Variants in DTL observed in about 807,000 individuals in gnomAD.
The protein encoded by DTL is denticleless E3 ubiquitin protein ligase adapter.
In DTL, 46 loss-of-function variants were observed where a neutral mutation model predicts 87.0. That is an observed-to-expected ratio of 0.53 (90% CI 0.42 to 0.68). The LOEUF is 0.68. Ranked by LOEUF, DTL falls within the 30% of genes least tolerant of loss-of-function variation. The probability of loss-of-function intolerance (pLI) is 0.00; values close to 1 mark genes in which losing one functional copy is unlikely to be tolerated. For missense variants in DTL, 737 were observed against 869.4 expected, an observed-to-expected ratio of 0.85 and a Z score of 1.91; for synonymous variants, 308 against 311.2, an observed-to-expected ratio of 0.99 and a Z score of 0.11.
chr1:212,082,422 T>A lies in DTL; in HGVS notation c.1261+1672T>A, dbSNP rs549685673. Among the ~76,000 whole-genome samples the A allele has an allele frequency of 5.9e-5, 9 of 152,294 alleles. No individual in the cohort carries two copies. In the South Asian group the frequency reaches 1.9e-3, roughly 32 times the overall value. On this transcript the variant is annotated intron_variant, in intron 13 of 14. Transcript: ENST00000366991. The stretch of plus-strand genomic sequence containing the variant: ...GGGTTGAAGTTTGCTGGGGTTTTTT[T>A]AAATAGGAATATAACATTTCACAGT...
intron 1 of DTL, among the ~76,000 whole-genome samples, chr1:212,037,633 C>G (rs1226830055): frequency 6.6e-6 from 1 of 152,200 alleles, no homozygotes; most frequent in Non-Finnish European, 1.5e-5. Flanking sequence ...AAGAAAGACT[C>G]AAAGTACTTT....
intron 9 of DTL, 28 bp from the exon 10 acceptor site, chr1:212,068,571 C>T (rs375718174): frequency 8.7e-6 from 12 of 1,384,110 alleles, no homozygotes; most frequent in African/African-American, 2.9e-5. Flanking sequence ...ATCATCAGGA[C>T]GTGCTAACTT....
chr1:212,045,193 T>A (rs1225651542), intron 3 of DTL, among the ~76,000 whole-genome samples: 1 of 152,184 alleles, frequency 6.6e-6, no homozygotes, highest in Non-Finnish European at 1.5e-5. Context: ...ACTTTGGGGA[T>A]TAAATTATAA....
chr1:212,069,910 G>A (rs1654621327), intron 10 of DTL, among the ~76,000 whole-genome samples: 1 of 152,126 alleles, frequency 6.6e-6, no homozygotes, highest in African/African-American at 2.4e-5. Context: ...AATCTTATTA[G>A]GACTTTAGTA....
chr1:212,039,865 G>C (rs1667585952), intron 1 of DTL, among the ~76,000 whole-genome samples: 2 of 152,198 alleles, frequency 1.3e-5, no homozygotes, highest in Non-Finnish European at 2.9e-5. Context: ...TACTATGAAT[G>C]GGAGCTTGCA....
At chr1:212,040,456 T>G (rs973161379) in intron 1 of DTL, among the ~76,000 whole-genome samples, 1 of 152,224 alleles carries the variant, frequency 6.6e-6, no homozygotes, top group Non-Finnish European at 1.5e-5. Context: ...AGTAAGAGAT[T>G]AACAATAACT....
rs149991137 is a variant in DTL, at chr1:212,047,138, T to C, written c.278-13T>C. ...AATTTAGACATTTCACATTTACCAT[T>C]TTCTTTGTTTAGAATGGATGGCTCA... On this transcript the variant is annotated splice_polypyrimidine_tract_variant and intron_variant, in intron 3 of 14. Coordinates refer to ENST00000366991, the MANE Select transcript of DTL (RefSeq NM_016448.4). 5.6e-5 allele frequency: 90 copies of C among 1,613,394 alleles called. No individual in the cohort carries two copies. The African/African-American group carries it at 1.1e-3, about 20-fold the overall frequency.
rs563346391 is a variant in DTL, at chr1:212,079,024, C to T, written c.1125+762C>T. Among the ~76,000 whole-genome samples, 3 of 152,138 alleles carry T rather than the reference C, an allele frequency of 2.0e-5. 1 individual carries two copies. The South Asian group carries it at 6.2e-4, about 32-fold the overall frequency. ...TTTGAGGTTTTGTTGCCTATTGTTCCCATCTGTTTTTTATCTTCCAGAAAC... is the reference window on the plus strand; with the variant it reads ...TTTGAGGTTTTGTTGCCTATTGTTCTCATCTGTTTTTTATCTTCCAGAAAC... On this transcript the variant is annotated intron_variant, in intron 12 of 14. Coordinates refer to ENST00000366991, the MANE Select transcript of DTL (RefSeq NM_016448.4).
chr1:212,069,550 T>A (rs576666367), intron 10 of DTL, among the ~76,000 whole-genome samples: 1 of 148,386 alleles, frequency 6.7e-6, no homozygotes, highest in African/African-American at 2.4e-5. Flanking sequence ...AGATATAAAT[T>A]TTTTTTTTTT....
chr1:212,088,902 C>T, intron 13 of DTL, among the ~76,000 whole-genome samples: 1 of 152,148 alleles, frequency 6.6e-6, no homozygotes, highest in East Asian at 1.9e-4. Flanking sequence ...GTCTTGCCAA[C>T]ATGGCAAAAC....
At chr1:212,073,610 G>A (rs939241413) in intron 11 of DTL, among the ~76,000 whole-genome samples, 8 of 152,094 alleles carry the variant, frequency 5.3e-5, no homozygotes, top group African/African-American at 1.4e-4. Context: ...TATAACTGGA[G>A]TTGTGAAAAT....
rs1655598773 is a variant in DTL at position 212,100,799 on chromosome 1, A to G, written c.1809A>G (p.Leu603=). 2 of 1,614,184 alleles carry G rather than the reference A, an allele frequency of 1.2e-6. No individual in the cohort carries two copies. Among genetic ancestry groups the G allele is most frequent in the Non-Finnish European group, 1.7e-6 (2 of 1,180,014 alleles). The change falls in exon 14 of 15, where the codon CTA becomes CTG. Residue 603 remains leucine, a synonymous_variant. Coordinates refer to ENST00000366991, the MANE Select transcript of DTL (RefSeq NM_016448.4). ...GNQEDLSKDS[L]GPTKSSKIEG... ...AGGAAGACCTTAGTAAGGACTCTCT[A>G]GGTCCTACCAAATCAAGCAAAATTG... is the stretch of plus-strand genomic sequence containing the variant.
intron 13 of DTL, among the ~76,000 whole-genome samples, chr1:212,095,394 G>C (rs1223539387): frequency 6.6e-6 from 1 of 152,090 alleles, no homozygotes. Flanking sequence ...CGCTCTTGTT[G>C]CCCAGGCTGG....
At chr1:212,064,875 G>C (rs753579263) in intron 6 of DTL, 42 bp from the exon 7 acceptor site, 20 of 1,480,062 alleles carry the variant, frequency 1.4e-5, no homozygotes, top group Non-Finnish European at 1.9e-5. Flanking sequence ...TATTCAGCAT[G>C]TAAGAATCCT....
At chr1:212,056,204 C>G (rs1444023500) in intron 5 of DTL, among the ~76,000 whole-genome samples, 2 of 152,222 alleles carry the variant, frequency 1.3e-5, no homozygotes, top group African/African-American at 4.8e-5. Context: ...ATCTACCTGC[C>G]TGGATCCATT....
intron 5 of DTL, among the ~76,000 whole-genome samples, chr1:212,059,795 A>C (rs896555658): frequency 5.0e-4 from 75 of 151,194 alleles, no homozygotes; most frequent in African/African-American, 1.7e-3. Context: ...AAAAAAAAAA[A>C]AAAAAAAACC....
At chr1:212,059,906 C>T (rs1278620776) in intron 5 of DTL, among the ~76,000 whole-genome samples, 1 of 150,622 alleles carries the variant, frequency 6.6e-6, no homozygotes, top group African/African-American at 2.4e-5. Flanking sequence ...AGAGAGAAAT[C>T]AGGAAGGCAA....
chr1:212,102,911 T>A lies in DTL; in HGVS notation c.2164T>A (p.Cys722Ser). 10 of 1,610,392 alleles carry A rather than the reference T, an allele frequency of 6.2e-6. No individual in the cohort carries two copies. The highest frequency in any genetic ancestry group is 8.5e-6 in the Non-Finnish European group (10 of 1,176,838). The change falls in exon 15 of 15, where the codon TGT becomes AGT. Residue 722 changes from cysteine (C) to serine (S), a missense_variant. Cys to Ser is a moderately radical substitution (Grantham distance 112). Transcript: ENST00000366991. ...CCATAGAAAGTCCCAGGAGGACTTC[T>A]GTGGTCCTGAACACTCAACAGAATT... ...YFHRKSQEDF[C>S]GPEHSTEL is the part of the protein sequence containing the mutation.
chr1:212,100,560 A>G lies in DTL; in HGVS notation c.1570A>G (p.Ile524Val), dbSNP rs769000443. 1.9e-6 allele frequency: 3 copies of G among 1,614,034 alleles called. No individual in the cohort carries two copies. The highest frequency in any genetic ancestry group is 1.7e-6 in the Non-Finnish European group (2 of 1,180,000). The change falls in exon 14 of 15, where the codon ATC (isoleucine) becomes GTC (valine). Residue 524 changes from isoleucine (I) to valine (V), a missense_variant. By Grantham distance (29) the Ile-to-Val change is conservative. Transcript: ENST00000366991. ...CACTCCACCTGCTTCGGAGACCAAGATCATGTCTCCGAGAAAAGCCCTTAT... is the reference window on the plus strand; with the variant it reads ...CACTCCACCTGCTTCGGAGACCAAGGTCATGTCTCCGAGAAAAGCCCTTAT... ...PITPPASETK[I>V]MSPRKALIPV...
Sources: allele counts gnomAD v4.1 joint callset (sites outside exome capture counted in the v4.1 genomes callset), GRCh38; gene constraint gnomAD v4.1.1; transcripts MANE v1.5; gene names NCBI Gene and HGNC (gene_info 2026-07-23, HGNC 2026-07-21).